GOLM2: variants seen among roughly 807,000 people sequenced by gnomAD.
GOLM2 encodes protein GOLM2.
Under a neutral mutation model 55.9 loss-of-function variants are expected in GOLM2, and 26 were observed. The observed-to-expected ratio is 0.47, with a 90% CI of 0.34 to 0.65. The LOEUF (loss-of-function observed/expected upper bound fraction) is 0.65, where lower values mean the gene tolerates loss of function less well. GOLM2 is among the 30% of genes least tolerant of loss of function. The pLI, the probability that GOLM2 is intolerant of heterozygous loss-of-function variation, is 0.01. For synonymous variants in GOLM2, 165 were observed against 194.6 expected (o/e 0.85, Z 1.27); for missense variants, 486 against 531.8 (o/e 0.91, Z 0.85).
chr15:44,297,889 A>T (rs1320125020), intron 1 of GOLM2, among the ~76,000 whole-genome samples: 3 of 89,730 alleles, frequency 3.3e-5, no homozygotes, highest in Admixed American at 1.2e-4. Context: ...TTTTTTTGAG[A>T]TGGAGTCTTG....
chr15:44,392,085 G>C (rs888662265), intron 8 of GOLM2, among the ~76,000 whole-genome samples: 4 of 151,878 alleles, frequency 2.6e-5, no homozygotes, highest in Non-Finnish European at 4.4e-5. Flanking sequence ...CCCAACCTCA[G>C]GTGATGCTCC....
At chr15:44,306,264 A>G (rs912418163) in intron 1 of GOLM2, among the ~76,000 whole-genome samples, 1 of 151,700 alleles carries the variant, frequency 6.6e-6, no homozygotes, top group African/African-American at 2.4e-5. Context: ...TTTCATCAGC[A>G]CTTGCCACTT....
chr15:44,365,797 T>C (rs2079279302), intron 6 of GOLM2, among the ~76,000 whole-genome samples: 1 of 152,148 alleles, frequency 6.6e-6, no homozygotes, highest in Non-Finnish European at 1.5e-5. Context: ...ACCCATAGAA[T>C]GTACAACACC....
At position 44,327,249 on chromosome 15, in the gene GOLM2, C is replaced by A. The variant is rs558190695; in HGVS notation, c.383-1436C>A. Among the ~76,000 whole-genome samples, 4 of 151,868 alleles carry A rather than the reference C, an allele frequency of 2.6e-5. No homozygotes were observed. In the East Asian group the frequency reaches 8.0e-4, roughly 30 times the overall value. On this transcript the variant is annotated intron_variant, in intron 2 of 9. Transcript: ENST00000299957. ...TACAGGCATGAGCCACCACGCCCAGCCCCAACATCTGCTTTTTAAAAACAG... is the reference window on the plus strand; with the variant it reads ...TACAGGCATGAGCCACCACGCCCAGACCCAACATCTGCTTTTTAAAAACAG...
At chr15:44,330,462 G>A (rs913691241) in intron 3 of GOLM2, among the ~76,000 whole-genome samples, 8 of 147,420 alleles carry the variant, frequency 5.4e-5, no homozygotes, top group Admixed American at 2.7e-4. Context: ...GTAGTGAGCC[G>A]AGATCGCGCC....
At chr15:44,382,265 C>T (rs1033225459) in intron 8 of GOLM2, 1 of 151,972 alleles carries the variant, frequency 6.6e-6, no homozygotes, top group African/African-American at 2.4e-5. Context: ...AAGAGCATAA[C>T]AAATAAAATA....
intron 1 of GOLM2, among the ~76,000 whole-genome samples, chr15:44,294,390 T>G: frequency 6.6e-6 from 1 of 151,872 alleles, no homozygotes; most frequent in Non-Finnish European, 1.5e-5. Context: ...CCACCCTGAC[T>G]AACATGGTGA....
intron 6 of GOLM2, among the ~76,000 whole-genome samples, chr15:44,375,363 T>C (rs1172813296): frequency 1.3e-5 from 2 of 152,220 alleles, no homozygotes; most frequent in Non-Finnish European, 2.9e-5. Flanking sequence ...TTGTTTGCAG[T>C]CTACTCTGCA....
chr15:44,318,429 T>C (rs1189125094), intron 1 of GOLM2, among the ~76,000 whole-genome samples: 1 of 152,200 alleles, frequency 6.6e-6, no homozygotes, highest in Non-Finnish European at 1.5e-5. Context: ...AAATTGGGAC[T>C]GGGTGTGCGT....
intron 9 of GOLM2, among the ~76,000 whole-genome samples, chr15:44,410,903 C>CAAAA (rs35934853): frequency 1.8e-5 from 1 of 56,310 alleles, no homozygotes; most frequent in Admixed American, 2.2e-4. Context: ...GACCCTGTAT[C>CAAAA]AAAAAAAAAA....
chr15:44,341,610 C>T (rs1370922912), intron 6 of GOLM2, among the ~76,000 whole-genome samples: 1 of 151,598 alleles, frequency 6.6e-6, no homozygotes, highest in Non-Finnish European at 1.5e-5. Flanking sequence ...ATATGAACCA[C>T]TCCAGCAGGA....
intron 6 of GOLM2, among the ~76,000 whole-genome samples, chr15:44,369,561 C>T (rs918132048): frequency 3.3e-5 from 5 of 151,898 alleles, no homozygotes; most frequent in African/African-American, 7.2e-5. Flanking sequence ...CAGTGGCTCA[C>T]GCCTGTAATC....
intron 1 of GOLM2, among the ~76,000 whole-genome samples, chr15:44,312,200 A>C (rs1019884242): frequency 6.6e-6 from 1 of 152,154 alleles, no homozygotes; most frequent in Non-Finnish European, 1.5e-5. Context: ...TTTACATGCC[A>C]ATTTCAAGCA....
chr15:44,351,962 G>C (rs1295813696), intron 6 of GOLM2, among the ~76,000 whole-genome samples: 7 of 152,174 alleles, frequency 4.6e-5, no homozygotes, highest in African/African-American at 1.4e-4. Flanking sequence ...CATGTTCATA[G>C]ATTGGAAGAA....
At chr15:44,314,109 C>T (rs914197875) in intron 1 of GOLM2, among the ~76,000 whole-genome samples, 6 of 151,040 alleles carry the variant, frequency 4.0e-5, no homozygotes, top group Admixed American at 1.3e-4. Context: ...TTGTGGCGGG[C>T]GCCTGTAGTC....
At chr15:44,294,127 A>G (rs2078739735) in intron 1 of GOLM2, among the ~76,000 whole-genome samples, 1 of 152,150 alleles carries the variant, frequency 6.6e-6, no homozygotes, top group Admixed American at 6.5e-5. Context: ...GAGAATTTCC[A>G]CATACCCTAC....
chr15:44,359,026 G>A (rs533604246), intron 6 of GOLM2, among the ~76,000 whole-genome samples: 64 of 151,680 alleles, frequency 4.2e-4, no homozygotes, highest in African/African-American at 1.2e-3. Context: ...GCGTGGTGCC[G>A]GGCGCCTCAG....
chr15:44,290,117 G>A (rs2078709759), intron 1 of GOLM2, among the ~76,000 whole-genome samples: 2 of 152,044 alleles, frequency 1.3e-5, no homozygotes, highest in African/African-American at 4.8e-5. Context: ...TATTAGGGTT[G>A]GTGTTTTATG....
At chr15:44,334,432 C>T (rs2079043004) in intron 4 of GOLM2, among the ~76,000 whole-genome samples, 1 of 152,152 alleles carries the variant, frequency 6.6e-6, no homozygotes, top group African/African-American at 2.4e-5. Context: ...TAACCAGCCA[C>T]ATGTCTATCA....
Sources: gnomAD v4.1 joint callset for allele counts (sites outside exome capture counted in the v4.1 genomes callset) on GRCh38, gnomAD v4.1.1 for gene constraint, MANE v1.5 for transcripts, NCBI Gene and HGNC (gene_info 2026-07-23, HGNC 2026-07-21) for gene names.